The following SRRM3 variants were observed in gnomAD, a reference collection of about 807,000 sequenced individuals.
SRRM3 encodes serine/arginine repetitive matrix protein 3.
In SRRM3, 27 loss-of-function variants were observed where a neutral mutation model predicts 66.2. That is an observed-to-expected ratio of 0.41 (90% CI 0.30 to 0.56). SRRM3 has a LOEUF of 0.56. SRRM3 is among the 20% of genes least tolerant of loss of function. The pLI is 0.32. For synonymous variants in SRRM3, 391 were observed against 414.9 expected, an observed-to-expected ratio of 0.94 and a Z score of 0.70; for missense variants, 918 against 991.9, an observed-to-expected ratio of 0.93 and a Z score of 1.00.
At chr7:76,280,950 C>G (rs1460378582) in intron 11 of SRRM3, among the ~76,000 whole-genome samples, 6 of 140,446 alleles carry the variant, frequency 4.3e-5, no homozygotes, top group African/African-American at 1.6e-4. Context: ...CCACCCCCGT[C>G]TCTCCTCTGT....
intron 1 of SRRM3, among the ~76,000 whole-genome samples, chr7:76,210,442 C>T (rs1283975583): frequency 1.3e-5 from 2 of 152,200 alleles, no homozygotes; most frequent in African/African-American, 2.4e-5. Context: ...TCTTCTCTCT[C>T]CTGCTCCTCA....
rs1466834496 is a variant in SRRM3 at position 76,286,992 on chromosome 7, TGGA to T, written c.*1152_*1154del. ...ATGGCCAGCCGAGCCTCTGTAGAGATGGAGGCTACAGCCCTCAGAAGGGAGGGG... is the reference window on the plus strand; with the variant it reads ...ATGGCCAGCCGAGCCTCTGTAGAGATGGCTACAGCCCTCAGAAGGGAGGGG... On this transcript the variant is annotated 3_prime_UTR_variant, in exon 15 of 15. Transcript: ENST00000611745. The T allele has an allele frequency of 6.5e-6, 1 of 152,724 alleles. No individual in the cohort carries two copies. The highest frequency in any genetic ancestry group is 6.5e-5 in the Admixed American group (1 of 15,280). 9.5% of individuals were successfully genotyped at this position (152,724 alleles called of 1,614,324 possible).
chr7:76,265,856 ATATTTTT>A (rs1802009690), intron 10 of SRRM3, among the ~76,000 whole-genome samples: 2 of 9,674 alleles, frequency 2.1e-4, no homozygotes, highest in Non-Finnish European at 2.5e-4. Context: ...ATATATATAT[ATATTTTT>A]TTTTTTTTTT....
intron 1 of SRRM3, among the ~76,000 whole-genome samples, chr7:76,226,676 C>T (rs552996364): frequency 4.2e-4 from 64 of 152,262 alleles, no homozygotes; most frequent in Non-Finnish European, 7.8e-4. Context: ...CTGCAACCTC[C>T]GCCTCCTGAG....
Position 76,246,125 on chromosome 7 carries a change from C to A in SRRM3, c.234-2063C>A, listed in dbSNP as rs528130508. On this transcript the variant is annotated intron_variant, in intron 2 of 14. Coordinates refer to ENST00000611745, the MANE Select transcript of SRRM3 (RefSeq NM_001110199.3). ...GAGAGAAAGGTTTGGGACAAATAAG[C>A]CTTAGTCATTACCATTTATTGGGCA... Among the ~76,000 whole-genome samples the A allele has an allele frequency of 3.3e-4, 51 of 152,272 alleles. No individual in the cohort carries two copies. In the Middle Eastern group the frequency reaches 0.01, roughly 30 times the overall value.
At chr7:76,215,602 G>T (rs1195040084) in intron 1 of SRRM3, among the ~76,000 whole-genome samples, 6 of 148,160 alleles carry the variant, frequency 4.0e-5, no homozygotes, top group Admixed American at 2.7e-4. Flanking sequence ...TAGAGTCAGG[G>T]TCTTGCTATG....
chr7:76,249,220 T>C (rs986158954), intron 3 of SRRM3, among the ~76,000 whole-genome samples: 1 of 151,864 alleles, frequency 6.6e-6, no homozygotes, highest in Admixed American at 6.6e-5. Context: ...ACTCAATCTC[T>C]ACAAAATACA....
intron 1 of SRRM3, among the ~76,000 whole-genome samples, chr7:76,223,374 G>A (rs991617516): frequency 6.6e-6 from 1 of 152,204 alleles, no homozygotes; most frequent in African/African-American, 2.4e-5. Context: ...GAAGGGAAGG[G>A]TCAGCAGGAG....
intron 11 of SRRM3, among the ~76,000 whole-genome samples, chr7:76,274,310 G>A (rs918933881): frequency 2.0e-5 from 3 of 152,246 alleles, no homozygotes; most frequent in Admixed American, 6.5e-5. Context: ...CTTTGGGGTG[G>A]GAGCTGCAGG....
intron 1 of SRRM3, 104 bp downstream of exon 1, chr7:76,202,171 A>AG (rs1210779204): frequency 6.6e-6 from 1 of 152,198 alleles, no homozygotes; most frequent in African/African-American, 2.4e-5. Flanking sequence ...CCCCGAGCAG[A>AG]GGGGCAGTGT....
intron 10 of SRRM3, among the ~76,000 whole-genome samples, chr7:76,266,979 T>C (rs1423439233): frequency 6.6e-6 from 1 of 151,952 alleles, no homozygotes; most frequent in Non-Finnish European, 1.5e-5. Context: ...AGCCTAATAA[T>C]AATTTTTAAA....
chr7:76,240,619 C>CAA (rs200938394), intron 2 of SRRM3, among the ~76,000 whole-genome samples: 14 of 91,728 alleles, frequency 1.5e-4, no homozygotes, highest in Non-Finnish European at 2.9e-4. Flanking sequence ...GACTCCATCT[C>CAA]AAAAAAAAAA....
chr7:76,236,037 G>A (rs1443503773), intron 2 of SRRM3, among the ~76,000 whole-genome samples: 3 of 110,446 alleles, frequency 2.7e-5, no homozygotes, highest in Admixed American at 9.3e-5. Flanking sequence ...AAAAGGCCGG[G>A]CGCGGTGGCT....
intron 2 of SRRM3, among the ~76,000 whole-genome samples, chr7:76,245,548 G>A (rs1801419661): frequency 6.6e-6 from 1 of 152,160 alleles, no homozygotes; most frequent in African/African-American, 2.4e-5. Context: ...GGAGAATATA[G>A]TATCCATCCC....
intron 11 of SRRM3, among the ~76,000 whole-genome samples, chr7:76,279,461 G>A (rs935552381): frequency 2.6e-5 from 4 of 151,164 alleles, no homozygotes; most frequent in East Asian, 1.9e-4. Context: ...AGTGGTGATC[G>A]GAGGATTTTC....
In SRRM3 at chr7:76,254,361, C is replaced by T. The variant is rs797043973; in HGVS notation, c.336-5545C>T. Among the ~76,000 whole-genome samples, 6 of 152,228 alleles carry T rather than the reference C, an allele frequency of 3.9e-5. 1 individual carries two copies. Among genetic ancestry groups the T allele is most frequent in the African/African-American group, 1.4e-4 (6 of 41,542 alleles). ...GAGATGGAGTTTCGCTCTTATTGCT[C>T]AGGCTGGAGTGCAACGGCACGATCT... On this transcript the variant is annotated intron_variant, in intron 3 of 14. Transcript: ENST00000611745.
chr7:76,222,887 A>G (rs1241459488), intron 1 of SRRM3, among the ~76,000 whole-genome samples: 1 of 152,042 alleles, frequency 6.6e-6, no homozygotes, highest in Non-Finnish European at 1.5e-5. Flanking sequence ...AAGTGCTGGA[A>G]TTACAGGATT....
chr7:76,215,625 G>GTTT (rs143948708), intron 1 of SRRM3, among the ~76,000 whole-genome samples: 3 of 119,152 alleles, frequency 2.5e-5, no homozygotes, highest in Admixed American at 8.8e-5. Context: ...GCCCAGTCTG[G>GTTT]TTTTTTTTTT....
At chr7:76,232,705 G>A (rs1247360458) in intron 1 of SRRM3, among the ~76,000 whole-genome samples, 1 of 152,180 alleles carries the variant, frequency 6.6e-6, no homozygotes, top group African/African-American at 2.4e-5. Context: ...AGGGCCTGGA[G>A]CCAAGAGAGG....
Sources: gnomAD v4.1 joint callset for allele counts (sites outside exome capture counted in the v4.1 genomes callset) on GRCh38, gnomAD v4.1.1 for gene constraint, MANE v1.5 for transcripts, NCBI Gene and HGNC (gene_info 2026-07-23, HGNC 2026-07-21) for gene names.